Variants in ACOX1 observed in about 807,000 individuals in gnomAD.
ACOX1 encodes acyl-CoA oxidase 1.
ACOX1 carries 41 observed loss-of-function variants against 75.5 expected under a neutral mutation model. The observed-to-expected ratio is 0.54, with a 90% CI of 0.42 to 0.70. ACOX1 has a LOEUF of 0.70. Among genes scored for constraint, ACOX1 ranks in the 30% least tolerant of loss-of-function variants. ACOX1 has a pLI of 0.00. For synonymous variants in ACOX1, 303 were observed against 298.8 expected (o/e 1.01, Z -0.15); for missense variants, 630 against 837.5 (o/e 0.75, Z 3.06).
intron 2 of ACOX1, among the ~76,000 whole-genome samples, chr17:75,967,237 G>A (rs1381428406): frequency 2.0e-5 from 3 of 152,102 alleles, no homozygotes; most frequent in African/African-American, 4.8e-5. Flanking sequence ...TTGGGAGACC[G>A]AGGCGGGTGG....
intron 7 of ACOX1, among the ~76,000 whole-genome samples, chr17:75,952,574 G>A (rs950994005): frequency 1.4e-4 from 21 of 152,002 alleles, no homozygotes; most frequent in African/African-American, 7.2e-5. Flanking sequence ...GATTACAGGC[G>A]TGAGCCACTG....
In ACOX1 at chr17:75,945,240, C is replaced by T. The variant is rs1264669597; in HGVS notation, c.*1508G>A. On this transcript the variant is annotated 3_prime_UTR_variant, in exon 14 of 14. Transcript: ENST00000293217. ...CAACACTAATTTTGAAACAATTCTACATCTAGCAGGTCAGTTTATCATTTT... is the reference window on the plus strand; with the variant it reads ...CAACACTAATTTTGAAACAATTCTATATCTAGCAGGTCAGTTTATCATTTT... 1 of 152,182 alleles carries T rather than the reference C, an allele frequency of 6.6e-6. No individual in the cohort carries two copies. The highest frequency in any genetic ancestry group is 1.5e-5 in the Non-Finnish European group (1 of 68,038). 9.4% of individuals were successfully genotyped at this position (152,182 alleles called of 1,614,324 possible).
In ACOX1 at chr17:75,978,809, C is replaced by T. The variant is rs1483373583; in HGVS notation, c.110-116G>A. The stretch of plus-strand genomic sequence containing the variant: ...GACACACCTGGGGAATGGCGATATC[C>T]CCCCACCAGGGACACAGGCTGTTCC... On this transcript the variant is annotated intron_variant, in intron 1 of 13. Transcript: ENST00000293217. The surrounding 1 kb of genome is among the most constrained non-coding windows in gnomAD (Gnocchi z 4.2). The T allele has an allele frequency of 1.2e-6, 2 of 1,603,388 alleles. No homozygotes were observed. Among genetic ancestry groups the T allele is most frequent in the Non-Finnish European group, 8.5e-7 (1 of 1,178,478 alleles).
In ACOX1 at chr17:75,946,798, G is replaced by C. The variant is rs1264338157; in HGVS notation, c.1936-3C>G. On this transcript the variant is annotated splice_region_variant and splice_polypyrimidine_tract_variant and intron_variant, in intron 13 of 13. Coordinates refer to ENST00000293217, the MANE Select transcript of ACOX1 (RefSeq NM_004035.7). ...AGGTGCTTGTAAGATTCGTGGACCT[G>C]TGGGGAAAGGAGAGAGAAGAACTAC... The C allele has an allele frequency of 6.2e-7, 1 of 1,613,364 alleles. No individual in the cohort carries two copies. The highest frequency in any genetic ancestry group is 8.5e-7 in the Non-Finnish European group (1 of 1,179,374).
At chr17:75,951,968 C>T (rs558775568) in intron 7 of ACOX1, among the ~76,000 whole-genome samples, 2 of 152,234 alleles carry the variant, frequency 1.3e-5, no homozygotes, top group East Asian at 1.9e-4. Context: ...GCATGAGCCA[C>T]GGTGCCTAGG....
intron 4 of ACOX1, among the ~76,000 whole-genome samples, chr17:75,956,950 T>C (rs2065832898): frequency 3.1e-5 from 1 of 32,104 alleles, no homozygotes; most frequent in South Asian, 1.7e-3. Flanking sequence ...TCTCTCTCTC[T>C]CTCTCTCTCT....
rs778647301 is a variant in ACOX1 at position 75,955,523 on chromosome 17, T to C, written c.774+43A>G. Reference sequence around the variant, plus strand: ...CTATTGTGAGTAACAGCCACTCAACTCCACTGTTTGATGCCTCTGCTTTAT... The same window carrying C: ...CTATTGTGAGTAACAGCCACTCAACCCCACTGTTTGATGCCTCTGCTTTAT... On this transcript the variant is annotated intron_variant, in intron 6 of 13. Coordinates refer to ENST00000293217, the MANE Select transcript of ACOX1 (RefSeq NM_004035.7). 5 of 1,529,316 alleles carry C rather than the reference T, an allele frequency of 3.3e-6. No individual in the cohort carries two copies. The African/African-American group carries it at 5.5e-5, about 17-fold the overall frequency. 94.7% of individuals were successfully genotyped at this position (1,529,316 alleles called of 1,614,324 possible). A position where few individuals can be genotyped will look rare whatever the true frequency, so the allele number is the denominator to read the frequency against.
Position 75,975,802 on chromosome 17 carries a change from T to C in ACOX1, c.269+2732A>G, listed in dbSNP as rs1277853500. ...ACTAAAAATACAAAAGTTAGCTGGG[T>C]GAGGTGGCAGATGCCTCTTCACCTG... On this transcript the variant is annotated intron_variant, in intron 2 of 13. Transcript: ENST00000293217. 2.0e-5 allele frequency among the ~76,000 whole-genome samples: 3 copies of C among 149,602 alleles called. No homozygotes were observed. In the Admixed American group the frequency reaches 2.0e-4, roughly 10 times the overall value.
At chr17:75,967,025 C>G (rs2065938580) in intron 2 of ACOX1, among the ~76,000 whole-genome samples, 2 of 151,272 alleles carry the variant, frequency 1.3e-5, no homozygotes, top group South Asian at 4.2e-4. Flanking sequence ...CCACTGCACC[C>G]CAGCCTGGGT....
chr17:75,955,968 A>G, intron 4 of ACOX1, 21 bp from the exon 5 acceptor site: 2 of 1,555,888 alleles, frequency 1.3e-6, no homozygotes, highest in East Asian at 2.3e-5. Flanking sequence ...AAAGAGAACA[A>G]GGGAGGGGTG....
rs1178688662 is a variant in ACOX1 at position 75,978,736 on chromosome 17, G to A, written c.110-43C>T. On this transcript the variant is annotated intron_variant, in intron 1 of 13. Transcript: ENST00000293217. The surrounding 1 kb of genome is among the most constrained non-coding windows in gnomAD (Gnocchi z 4.2). ...GGCATTAAAAGGCAGACAGACACTC[G>A]GGCCTCCGTTCCACCCTCCCTGAAT... The A allele has an allele frequency of 6.2e-7, 1 of 1,612,422 alleles. No individual in the cohort carries two copies. Among genetic ancestry groups the A allele is most frequent in the South Asian group, 1.1e-5 (1 of 90,984 alleles).
chr17:75,965,250 A>G (rs1426801719), intron 2 of ACOX1, among the ~76,000 whole-genome samples: 1 of 149,862 alleles, frequency 6.7e-6, no homozygotes, highest in Non-Finnish European at 1.5e-5. Context: ...AGGCAGGAGA[A>G]TGGCGTGAAC....
In ACOX1 at chr17:75,949,546, G is replaced by C. The variant is rs761772318; in HGVS notation, c.1533C>G (p.Ser511Arg). ...AAGTTAGGTTCCAAGCTACCTCCTT[G>C]CTTTTTCTGTGAATCACTTCTTTTT... is the stretch of plus-strand genomic sequence containing the variant. ...NLQKEVIHRK[S>R]KEVAWNLTSV... The change falls in exon 11 of 14, where the codon AGC becomes AGG. Residue 511 changes from serine to arginine, a missense_variant. Ser to Arg is a moderately radical substitution (Grantham distance 110). Transcript: ENST00000293217. 1.2e-6 allele frequency: 2 copies of C among 1,614,182 alleles called. No individual in the cohort carries two copies. The highest frequency in any genetic ancestry group is 2.2e-5 in the South Asian group (2 of 91,088).
At position 75,978,558 on chromosome 17, in the gene ACOX1, G is replaced by T; in HGVS notation, c.245C>A (p.Pro82His). 6.2e-7 allele frequency: 1 copy of T among 1,614,186 alleles called. No individual in the cohort carries two copies. The highest frequency in any genetic ancestry group is 8.5e-7 in the Non-Finnish European group (1 of 1,180,038). ...CTTTTTAAACCACATAATTTCATCA[G>T]GGTCAGCGATGCCAAACTCCCTCAT... ...KKMREFGIAD[P>H]DEIMWFKNFV... is the part of the protein sequence containing the mutation. Residue 82 changes from proline (P) to histidine (H), a missense_variant, in exon 2 of 14, where the codon CCT becomes CAT. Pro to His is a moderately conservative substitution (Grantham distance 77). Transcript: ENST00000293217. This position sits in a 1 kb window ranked among gnomAD's most constrained non-coding sequence, Gnocchi z 4.2.
chr17:75,969,939 C>T (rs547687230), intron 2 of ACOX1, among the ~76,000 whole-genome samples: 1 of 152,136 alleles, frequency 6.6e-6, no homozygotes, highest in African/African-American at 2.4e-5. Context: ...AATCCCAGCA[C>T]TTTGGGAGGC....
At chr17:75,965,590 T>C (rs1320909234) in intron 2 of ACOX1, among the ~76,000 whole-genome samples, 1 of 151,906 alleles carries the variant, frequency 6.6e-6, no homozygotes, top group African/African-American at 2.4e-5. Flanking sequence ...TATCTTGAAA[T>C]GTAACAACAG....
At chr17:75,975,597 C>A (rs74482400) in intron 2 of ACOX1, among the ~76,000 whole-genome samples, 2 of 152,136 alleles carry the variant, frequency 1.3e-5, no homozygotes, top group African/African-American at 4.8e-5. Context: ...CCAGAGGGAA[C>A]GACTTCTGCG....
At chr17:75,961,953 C>T (rs1056912713) in intron 2 of ACOX1, among the ~76,000 whole-genome samples, 3 of 152,002 alleles carry the variant, frequency 2.0e-5, no homozygotes, top group Admixed American at 2.0e-4. Context: ...CATAGTAGTT[C>T]TCTCAGAGTG....
chr17:75,960,386 A>G lies in ACOX1; in HGVS notation c.270-11T>C. On this transcript the variant is annotated splice_polypyrimidine_tract_variant and intron_variant, in intron 2 of 13. Transcript: ENST00000293217. The surrounding 1 kb of genome is among the most constrained non-coding windows in gnomAD (Gnocchi z 4.4). ...CCTCGGTGCACAAAACTTCGAGGAA[A>G]TATCAAGGATGGGCATTTGAGAGAA... 1.2e-6 allele frequency: 2 copies of G among 1,612,928 alleles called. No individual in the cohort carries two copies. The highest frequency in any genetic ancestry group is 1.7e-6 in the Non-Finnish European group (2 of 1,179,860).
Sources: gnomAD v4.1 joint callset for allele counts (sites outside exome capture counted in the v4.1 genomes callset) on GRCh38, gnomAD v4.1.1 for gene constraint, Gnocchi (gnomAD v3.1) non-coding constraint, MANE v1.5 for transcripts, NCBI Gene and HGNC (gene_info 2026-07-23, HGNC 2026-07-21) for gene names.